AP3D1: variants seen among roughly 807,000 people sequenced by gnomAD.
AP3D1 encodes AP-3 complex subunit delta-1.
AP3D1 carries 51 observed loss-of-function variants against 147.6 expected under a neutral mutation model. That is an observed-to-expected ratio of 0.35 (90% CI 0.28 to 0.44). AP3D1 has a LOEUF of 0.44. Among genes scored for constraint, AP3D1 ranks in the 20% least tolerant of loss-of-function variants. The pLI, the probability that AP3D1 is intolerant of heterozygous loss-of-function variation, is 1.00. For synonymous variants in AP3D1, 760 were observed against 663.0 expected, an observed-to-expected ratio of 1.15 and a Z score of -2.25; for missense variants, 1,421 against 1,624.2, an observed-to-expected ratio of 0.87 and a Z score of 2.15.
intron 5 of AP3D1, among the ~76,000 whole-genome samples, chr19:2,132,012 C>A (rs1486633686): frequency 2.1e-4 from 32 of 152,218 alleles, no homozygotes; most frequent in Non-Finnish European, 1.5e-5. Flanking sequence ...TTAAGTCAGG[C>A]ACAAAACAGA....
At position 2,110,070 on chromosome 19, in the gene AP3D1, C is replaced by T. The variant is rs570328730; in HGVS notation, c.3264+66G>A. The stretch of plus-strand genomic sequence containing the variant: ...CCTAGGGACACCTGGACACCCACTG[C>T]GATGGGGCAGGAGGAGCCCCTGCCT... On this transcript the variant is annotated intron_variant, in intron 28 of 31. Transcript: ENST00000643116. The T allele has an allele frequency of 1.2e-4, 196 of 1,588,484 alleles. 1 individual carries two copies. In the East Asian group the frequency reaches 3.7e-3, roughly 30 times the overall value.
chr19:2,119,525 C>G (rs2018551130), intron 14 of AP3D1, among the ~76,000 whole-genome samples: 1 of 152,028 alleles, frequency 6.6e-6, no homozygotes. Flanking sequence ...AACCCCATCT[C>G]TACTAAAAAA....
intron 5 of AP3D1, among the ~76,000 whole-genome samples, chr19:2,132,107 AAGG>A (rs1242598084): frequency 6.6e-6 from 1 of 152,098 alleles, no homozygotes. Context: ...GCAGAGTGGC[AAGG>A]AGGAGTCAAG....
intron 1 of AP3D1, among the ~76,000 whole-genome samples, chr19:2,157,815 C>T (rs2019660834): frequency 6.6e-6 from 1 of 152,170 alleles, no homozygotes; most frequent in Admixed American, 6.6e-5. Context: ...AAGCTGTAGG[C>T]AGCAGCAGGA....
intron 1 of AP3D1, among the ~76,000 whole-genome samples, chr19:2,159,372 C>T (rs1174450589): frequency 6.6e-6 from 1 of 151,876 alleles, no homozygotes; most frequent in Non-Finnish European, 1.5e-5. Context: ...GCATGCGCCA[C>T]CATGCCTAGC....
intron 9 of AP3D1, among the ~76,000 whole-genome samples, chr19:2,124,199 C>T (rs371565749): frequency 6.6e-6 from 1 of 152,226 alleles, no homozygotes; most frequent in African/African-American, 2.4e-5. Context: ...GGCCAGGCCC[C>T]GAGGCCACAG....
At chr19:2,110,038 C>T (rs2018224515) in intron 28 of AP3D1, 80 bp from the exon 29 acceptor site, 26 of 1,591,070 alleles carry the variant, frequency 1.6e-5, no homozygotes, top group Non-Finnish European at 2.1e-5. Context: ...GCAGGTGGCC[C>T]ACTTCCCCTA....
At chr19:2,155,366 A>T (rs1305549406), upstream of AP3D1, among the ~76,000 whole-genome samples, 2 of 150,188 alleles carry the variant, frequency 1.3e-5, no homozygotes, top group African/African-American at 2.5e-5. Context: ...ATCTCAAAAA[A>T]AAAACCAAAA....
At chr19:2,119,087 A>C (rs1476573223) in intron 14 of AP3D1, among the ~76,000 whole-genome samples, 1 of 152,242 alleles carries the variant, frequency 6.6e-6, no homozygotes, top group Admixed American at 6.5e-5. Context: ...AGGAAAAAGG[A>C]CAACGGGGTC....
intron 3 of AP3D1, 29 bp from the exon 4 acceptor site, chr19:2,137,120 G>A (rs2019097928): frequency 5.1e-6 from 8 of 1,554,140 alleles, no homozygotes; most frequent in South Asian, 1.2e-5. Context: ...GCACATCAGA[G>A]GCAGGACACC....
intron 11 of AP3D1, among the ~76,000 whole-genome samples, chr19:2,122,259 A>G (rs1037063174): frequency 4.6e-5 from 7 of 152,202 alleles, no homozygotes; most frequent in Admixed American, 1.3e-4. Flanking sequence ...ACCTGTACCC[A>G]GTACTCACTG....
upstream of AP3D1, among the ~76,000 whole-genome samples, chr19:2,153,706 G>C (rs931523574): frequency 3.3e-5 from 5 of 152,076 alleles, no homozygotes; most frequent in Non-Finnish European, 2.9e-5. Flanking sequence ...GGAACTGCTG[G>C]GCATGGTGGC....
intron 23 of AP3D1, 27 bp downstream of exon 23, chr19:2,113,309 G>A: frequency 7.9e-7 from 1 of 1,263,826 alleles, no homozygotes; most frequent in South Asian, 1.4e-5. Flanking sequence ...CACCGAGGCT[G>A]GCACTGGCCA....
chr19:2,121,702 A>AGGCG (rs1483788329), intron 12 of AP3D1, 32 bp downstream of exon 12: 7 of 1,545,470 alleles, frequency 4.5e-6, no homozygotes, highest in African/African-American at 1.4e-5. Context: ...AACTAAGGCC[A>AGGCG]GGCGGGCGGG....
chr19:2,111,277 C>T lies in AP3D1; in HGVS notation c.2985+8G>A. Reference sequence around the variant, plus strand: ...CCCACCCTGCCCCTGGGAGCGGCTGCCACTCACCATTTTAACATAGGAATT... The same window carrying T: ...CCCACCCTGCCCCTGGGAGCGGCTGTCACTCACCATTTTAACATAGGAATT... On this transcript the variant is annotated splice_region_variant and intron_variant, in intron 26 of 31. Coordinates refer to ENST00000643116, the MANE Select transcript of AP3D1 (RefSeq NM_001261826.3). The T allele has an allele frequency of 6.2e-7, 1 of 1,613,822 alleles. No individual in the cohort carries two copies. Among genetic ancestry groups the T allele is most frequent in the Admixed American group, 1.7e-5 (1 of 60,024 alleles).
Position 2,112,900 on chromosome 19 carries a change from T to C in AP3D1, c.2747A>G (p.Gln916Arg). 1 of 1,613,266 alleles carries C rather than the reference T, an allele frequency of 6.2e-7. No homozygotes were observed. The highest frequency in any genetic ancestry group is 1.1e-5 in the South Asian group (1 of 91,048). The change falls in exon 24 of 32, where the codon CAG becomes CGG. Residue 916 changes from glutamine (Q) to arginine (R), a missense_variant. Around this residue, in one of 6 missense-constraint regions of AP3D1, gnomAD observed 791 missense variants for 761.4 expected, o/e 1.04. Coordinates refer to ENST00000643116, the MANE Select transcript of AP3D1 (RefSeq NM_001261826.3). ...DECEDAKTEAQGEEDDAEGQD... is the reference protein window; with the variant it reads ...DECEDAKTEARGEEDDAEGQD... ...CCCCTCGGCATCGTCCTCCTCGCCCTGCGCCTCCGTCTTGGCGTCCTCACA... is the reference window on the plus strand; with the variant it reads ...CCCCTCGGCATCGTCCTCCTCGCCCCGCGCCTCCGTCTTGGCGTCCTCACA...
chr19:2,121,362 G>C (rs1241743583), intron 12 of AP3D1, 51 bp from the exon 13 acceptor site: 2 of 1,595,528 alleles, frequency 1.3e-6, no homozygotes, highest in East Asian at 2.2e-5. Context: ...CCTGGGGCCT[G>C]CTTGGTGAGA....
chr19:2,127,379 A>T (rs138579288), intron 8 of AP3D1, among the ~76,000 whole-genome samples, 178 bp from the exon 9 acceptor site: 2 of 152,244 alleles, frequency 1.3e-5, no homozygotes, highest in Non-Finnish European at 2.9e-5. Flanking sequence ...TCATCGTCTC[A>T]TCTTCCCAGA....
Position 2,129,076 on chromosome 19 carries a change from T to G in AP3D1, c.806+14A>C, listed in dbSNP as rs367719475. The G allele has an allele frequency of 3.8e-6, 6 of 1,570,400 alleles. No homozygotes were observed. The highest frequency in any genetic ancestry group is 4.3e-6 in the Non-Finnish European group (5 of 1,158,834). ...GGAGCCGGCCCGCCCCCACCGCGCA[T>G]GGCCTGCACTCACCTGTGGATGAGA... On this transcript the variant is annotated intron_variant, in intron 8 of 31. Coordinates refer to ENST00000643116, the MANE Select transcript of AP3D1 (RefSeq NM_001261826.3).
Sources: allele counts gnomAD v4.1 joint callset (sites outside exome capture counted in the v4.1 genomes callset), GRCh38; gene constraint gnomAD v4.1.1; regional missense constraint gnomAD v4.1.1; transcripts MANE v1.5; gene names NCBI Gene and HGNC (gene_info 2026-07-23, HGNC 2026-07-21).